RIC1: variants seen among roughly 807,000 people sequenced by gnomAD.
RIC1 encodes the protein RIC1 partner of RAB6A GEF complex, also known as guanine nucleotide exchange factor subunit RIC1.
RIC1 carries 88 observed loss-of-function variants against 169.0 expected under a neutral mutation model. The observed-to-expected ratio is 0.52, with a 90% CI of 0.44 to 0.62. RIC1 has a LOEUF of 0.62. Ranked by LOEUF, RIC1 falls within the 20% of genes least tolerant of loss-of-function variation. The pLI, the probability that RIC1 is intolerant of heterozygous loss-of-function variation, is 0.00. For synonymous variants in RIC1, 790 were observed against 601.5 expected, an observed-to-expected ratio of 1.31 and a Z score of -4.59; for missense variants, 1,877 against 1,725.5, an observed-to-expected ratio of 1.09 and a Z score of -1.56.
intron 6 of RIC1, among the ~76,000 whole-genome samples, chr9:5,730,934 C>T (rs764483656): frequency 1.5e-4 from 23 of 152,128 alleles, no homozygotes; most frequent in Non-Finnish European, 3.1e-4. Context: ...TCCACACAGG[C>T]TTCTTTGCTG....
In RIC1 at chr9:5,667,840, C is replaced by G. The variant is rs116145896; in HGVS notation, c.252+11150C>G. Among the ~76,000 whole-genome samples, 813 of 152,250 alleles carry G rather than the reference C, an allele frequency of 5.3e-3. 13 individuals are homozygous for G. Among genetic ancestry groups the G allele is most frequent in the African/African-American group, 0.019 (778 of 41,546 alleles). On this transcript the variant is annotated intron_variant, in intron 2 of 25. Coordinates refer to ENST00000414202, the MANE Select transcript of RIC1 (RefSeq NM_020829.4). The stretch of plus-strand genomic sequence containing the variant: ...TTTTTAAGTGTGGATGTCTACTGTT[C>G]CAACCTCTGCCAGTTACCCAGCTCC...
intron 1 of RIC1, among the ~76,000 whole-genome samples, chr9:5,652,450 T>G (rs1179573489): frequency 1.3e-5 from 2 of 152,138 alleles, no homozygotes; most frequent in African/African-American, 4.8e-5. Flanking sequence ...GTTCTTTGGG[T>G]TTTTTTATAG....
intron 1 of RIC1, among the ~76,000 whole-genome samples, chr9:5,645,667 A>G (rs1818471167): frequency 6.6e-6 from 1 of 152,082 alleles, no homozygotes. Context: ...TCTTTTTGTG[A>G]TTGACTTATT....
intron 3 of RIC1, among the ~76,000 whole-genome samples, chr9:5,692,709 T>C (rs1185218223): frequency 1.3e-5 from 2 of 152,022 alleles, no homozygotes; most frequent in Non-Finnish European, 2.9e-5. Context: ...GTTAAGAGGA[T>C]TATGTGAATT....
rs538320579 is a variant in RIC1, at chr9:5,733,586, A to G, written c.812+1107A>G. Reference sequence around the variant, plus strand: ...CCAGATTTTTTTATTAGTATAAATAATTCACATAAATCACTTTCATTACAC... The same window carrying G: ...CCAGATTTTTTTATTAGTATAAATAGTTCACATAAATCACTTTCATTACAC... On this transcript the variant is annotated intron_variant, in intron 7 of 25. Transcript: ENST00000414202. 2.6e-5 allele frequency among the ~76,000 whole-genome samples: 4 copies of G among 152,178 alleles called. No individual in the cohort carries two copies. The South Asian group carries it at 8.3e-4, about 32-fold the overall frequency.
chr9:5,743,108 C>G (rs1825175772), intron 9 of RIC1, 95 bp downstream of exon 9: 3 of 1,156,412 alleles, frequency 2.6e-6, no homozygotes, highest in South Asian at 3.0e-5. Context: ...CCCTTTTTGC[C>G]TTGACTCTTA....
At chr9:5,672,151 C>T (rs115744665) in intron 2 of RIC1, among the ~76,000 whole-genome samples, 1,736 of 152,314 alleles carry the variant, frequency 0.011, 47 homozygotes, top group African/African-American at 0.04. Context: ...TCTGCCTCTG[C>T]AAACTGTCAC....
chr9:5,676,191 A>G (rs1186423874), intron 2 of RIC1, among the ~76,000 whole-genome samples: 1 of 152,210 alleles, frequency 6.6e-6, no homozygotes, highest in Non-Finnish European at 1.5e-5. Context: ...TGCTGGGATT[A>G]CAGATGTGAG....
At chr9:5,663,858 A>T (rs952716405) in intron 2 of RIC1, among the ~76,000 whole-genome samples, 5 of 152,164 alleles carry the variant, frequency 3.3e-5, no homozygotes, top group Non-Finnish European at 7.3e-5. Context: ...TCAAGATACT[A>T]GTTGGTTATT....
At chr9:5,647,846 TC>T (rs1334231827) in intron 1 of RIC1, among the ~76,000 whole-genome samples, 1 of 152,170 alleles carries the variant, frequency 6.6e-6, no homozygotes, top group Non-Finnish European at 1.5e-5. Context: ...AAGCTTTCCA[TC>T]TTTTCACCAT....
intron 3 of RIC1, chr9:5,713,694 T>C (rs1361240218): frequency 3.0e-6 from 1 of 338,148 alleles, no homozygotes; most frequent in Non-Finnish European, 5.4e-6. Context: ...ACAAATTACA[T>C]TGGTCAAACA....
chr9:5,671,173 T>C (rs1189830774), intron 2 of RIC1, among the ~76,000 whole-genome samples: 3 of 152,122 alleles, frequency 2.0e-5, no homozygotes, highest in African/African-American at 7.2e-5. Context: ...CCTAATGTCT[T>C]GCTAAACAGA....
chr9:5,681,059 C>G (rs1216387328), intron 2 of RIC1, among the ~76,000 whole-genome samples: 1 of 151,574 alleles, frequency 6.6e-6, no homozygotes, highest in African/African-American at 2.4e-5. Flanking sequence ...ATCTCCTGAC[C>G]TCGTGATCCG....
At chr9:5,753,766 G>A (rs1424279106) in intron 14 of RIC1, 120 bp downstream of exon 14, 3 of 474,050 alleles carry the variant, frequency 6.3e-6, no homozygotes, top group Non-Finnish European at 1.1e-5. Context: ...AGGAAAATCA[G>A]ATATAAAAAA....
chr9:5,715,890 C>G (rs1206634350), intron 4 of RIC1, among the ~76,000 whole-genome samples: 1 of 146,852 alleles, frequency 6.8e-6, no homozygotes, highest in African/African-American at 2.5e-5. Flanking sequence ...GTGGCACAAT[C>G]ACAGCTAATT....
At chr9:5,757,687 T>A (rs542143778) in intron 17 of RIC1, among the ~76,000 whole-genome samples, 18 of 152,368 alleles carry the variant, frequency 1.2e-4, no homozygotes, top group Admixed American at 8.5e-4. Context: ...TAGTACACAT[T>A]ACTGTGAGAG....
chr9:5,678,549 G>A (rs965598420), intron 2 of RIC1, among the ~76,000 whole-genome samples: 2 of 151,966 alleles, frequency 1.3e-5, no homozygotes, highest in African/African-American at 4.8e-5. Flanking sequence ...TCTAACTGGT[G>A]TGAGATGATA....
At chr9:5,739,117 A>G (rs954844994) in intron 8 of RIC1, among the ~76,000 whole-genome samples, 19 of 152,062 alleles carry the variant, frequency 1.2e-4, no homozygotes, top group African/African-American at 4.6e-4. Flanking sequence ...AGTCAAGGGT[A>G]TATCTTCTGG....
At chr9:5,707,258 C>T (rs907417300) in intron 3 of RIC1, among the ~76,000 whole-genome samples, 1 of 152,104 alleles carries the variant, frequency 6.6e-6, no homozygotes, top group African/African-American at 2.4e-5. Context: ...TATGTGCTTT[C>T]AGTCTTTTAA....
Sources: allele counts gnomAD v4.1 joint callset (sites outside exome capture counted in the v4.1 genomes callset), GRCh38; gene constraint gnomAD v4.1.1; transcripts MANE v1.5; gene names NCBI Gene and HGNC (gene_info 2026-07-23, HGNC 2026-07-21).